Variants in FAM171A1 observed in about 807,000 individuals in gnomAD.
The protein encoded by FAM171A1 is family with sequence similarity 171 member A1.
Under a neutral mutation model 74.9 loss-of-function variants are expected in FAM171A1, and 23 were observed. That is an observed-to-expected ratio of 0.31 (90% CI 0.22 to 0.44). FAM171A1 has a LOEUF of 0.44. Ranked by LOEUF, FAM171A1 falls within the 20% of genes least tolerant of loss-of-function variation. The probability of loss-of-function intolerance (pLI) is 1.00; values close to 1 mark genes in which losing one functional copy is unlikely to be tolerated. For missense variants in FAM171A1, 1,162 were observed against 1,159.2 expected (o/e 1.00, Z -0.03); for synonymous variants, 527 against 505.7 (o/e 1.04, Z -0.57).
Position 15,371,243 on chromosome 10 carries a change from C to CGCGGCGGCGGCG in FAM171A1, c.-203_-192dup, listed in dbSNP as rs559398047. ...CCCGCGCCGGGTTTCCCCGAAGAGCCGCGGCGGCGGCGGCGGCGGCGGCTG... is the reference window on the plus strand; with the variant it reads ...CCCGCGCCGGGTTTCCCCGAAGAGCCGCGGCGGCGGCGGCGGCGGCGGCGGCGGCGGCGGCTG... On this transcript the variant is annotated 5_prime_UTR_variant, in exon 1 of 8. Coordinates refer to ENST00000378116, the MANE Select transcript of FAM171A1 (RefSeq NM_001010924.2). Among the ~76,000 whole-genome samples the CGCGGCGGCGGCG allele has an allele frequency of 3.5e-5, 5 of 141,668 alleles. No homozygotes were observed. The highest frequency in any genetic ancestry group is 2.1e-4 in the Admixed American group (3 of 14,484). 92.9% of individuals were successfully genotyped at this position (141,668 alleles called of 152,430 possible).
intron 1 of FAM171A1, among the ~76,000 whole-genome samples, chr10:15,304,792 A>C (rs1192331232): frequency 6.6e-6 from 1 of 152,160 alleles, no homozygotes; most frequent in Non-Finnish European, 1.5e-5. Flanking sequence ...GCTAGAGTGC[A>C]CTGGCGCAAT....
chr10:15,253,595 C>A (rs1834537414), intron 4 of FAM171A1, among the ~76,000 whole-genome samples: 1 of 152,114 alleles, frequency 6.6e-6, no homozygotes, highest in African/African-American at 2.4e-5. Context: ...CAAAATGGAT[C>A]AAATGTTTCA....
intron 1 of FAM171A1, 25 bp from the exon 2 acceptor site, chr10:15,284,130 A>G: frequency 6.2e-7 from 1 of 1,602,512 alleles, no homozygotes; most frequent in Non-Finnish European, 8.5e-7. Flanking sequence ...AGCACAAAGA[A>G]CAGCTACTGT....
intron 4 of FAM171A1, among the ~76,000 whole-genome samples, chr10:15,253,203 C>G (rs1834531880): frequency 6.6e-6 from 1 of 152,082 alleles, no homozygotes; most frequent in African/African-American, 2.4e-5. Context: ...AGCATTTCAT[C>G]ATGTTGGCCA....
intron 1 of FAM171A1, among the ~76,000 whole-genome samples, chr10:15,347,523 C>T (rs767322256): frequency 8.5e-5 from 13 of 152,058 alleles, no homozygotes; most frequent in Admixed American, 2.0e-4. Context: ...AACGGAGTCA[C>T]CAAGTATTTA....
intron 1 of FAM171A1, among the ~76,000 whole-genome samples, chr10:15,322,696 G>T (rs1334662435): frequency 6.6e-6 from 1 of 152,198 alleles, no homozygotes. Context: ...CTCCAGAGTG[G>T]GGTCATTTTG....
intron 1 of FAM171A1, among the ~76,000 whole-genome samples, chr10:15,320,961 G>T (rs1349119384): frequency 6.6e-6 from 1 of 152,194 alleles, no homozygotes; most frequent in Non-Finnish European, 1.5e-5. Context: ...TAACTGAAGA[G>T]AGTTTAATGG....
At chr10:15,363,171 T>G (rs1440655969) in intron 1 of FAM171A1, among the ~76,000 whole-genome samples, 2 of 151,932 alleles carry the variant, frequency 1.3e-5, no homozygotes, top group African/African-American at 4.8e-5. Flanking sequence ...CAGGAGACAG[T>G]GGGAAAGGCA....
chr10:15,366,776 A>G (rs1169521173), intron 1 of FAM171A1, among the ~76,000 whole-genome samples: 1 of 152,228 alleles, frequency 6.6e-6, no homozygotes, highest in Non-Finnish European at 1.5e-5. Context: ...CTTGGTAAGC[A>G]GTGTTTACTA....
intron 1 of FAM171A1, among the ~76,000 whole-genome samples, chr10:15,312,673 GTTTTT>G (rs1169098742): frequency 0.045 from 1,641 of 36,356 alleles, 218 homozygotes; most frequent in Admixed American, 0.091. Flanking sequence ...AGCACTGTGT[GTTTTT>G]TTTTTTTTTT....
At chr10:15,257,536 C>T (rs1834596358) in intron 3 of FAM171A1, among the ~76,000 whole-genome samples, 2 of 152,152 alleles carry the variant, frequency 1.3e-5, no homozygotes, top group South Asian at 2.1e-4. Context: ...TCTCTCCCCA[C>T]TTGTGCAGGA....
At chr10:15,327,059 T>C (rs1303231076) in intron 1 of FAM171A1, among the ~76,000 whole-genome samples, 1 of 152,202 alleles carries the variant, frequency 6.6e-6, no homozygotes, top group African/African-American at 2.4e-5. Flanking sequence ...CAAAAATTAA[T>C]GTGAGCTGTA....
At chr10:15,299,576 T>C (rs10796274) in intron 1 of FAM171A1, among the ~76,000 whole-genome samples, 51,062 of 151,762 alleles carry the variant, frequency 0.34, 10,058 homozygotes, top group East Asian at 0.78. Context: ...AAGATGACGA[T>C]GATGATGATG....
At chr10:15,319,394 G>T (rs188013768) in intron 1 of FAM171A1, among the ~76,000 whole-genome samples, 1 of 152,242 alleles carries the variant, frequency 6.6e-6, no homozygotes, top group African/African-American at 2.4e-5. Context: ...GATGGGATGG[G>T]GGTGAGGGAT....
chr10:15,275,984 T>C lies in FAM171A1; in HGVS notation c.326-37A>G, dbSNP rs199920782. 39 of 1,488,214 alleles carry C rather than the reference T, an allele frequency of 2.6e-5. No homozygotes were observed. In the Admixed American group the frequency reaches 6.6e-4, roughly 25 times the overall value. The allele number at this position is 1,488,214 out of a possible 1,614,324, so 92.2% of individuals were successfully genotyped here. A position where few individuals can be genotyped will look rare whatever the true frequency, so the allele number is the denominator to read the frequency against. On this transcript the variant is annotated intron_variant, in intron 2 of 7. Transcript: ENST00000378116. ...AGAAATGGATAGAAGGGGATTTTAA[T>C]AGTCATATTTAAGTGCCTACTCTAA...
At chr10:15,273,764 AC>A (rs1834858099) in intron 3 of FAM171A1, among the ~76,000 whole-genome samples, 3 of 152,240 alleles carry the variant, frequency 2.0e-5, no homozygotes, top group Non-Finnish European at 4.4e-5. Flanking sequence ...CATCACATAA[AC>A]AGAACCAAAG....
At chr10:15,325,293 C>T (rs1486439180) in intron 1 of FAM171A1, among the ~76,000 whole-genome samples, 5 of 152,108 alleles carry the variant, frequency 3.3e-5, no homozygotes, top group African/African-American at 9.7e-5. Flanking sequence ...CCCAGGAGTT[C>T]GAGACCAAGC....
At chr10:15,321,939 A>G (rs1306190732) in intron 1 of FAM171A1, among the ~76,000 whole-genome samples, 8 of 152,220 alleles carry the variant, frequency 5.3e-5, no homozygotes, top group African/African-American at 1.4e-4. Context: ...TGAGAAACAA[A>G]TAGTAGATAC....
intron 4 of FAM171A1, among the ~76,000 whole-genome samples, chr10:15,252,445 C>T (rs1281110244): frequency 5.9e-5 from 9 of 152,146 alleles, no homozygotes; most frequent in Non-Finnish European, 5.9e-5. Flanking sequence ...TCCAAAGACA[C>T]GTCTGGTCCA....
Sources: gnomAD v4.1 joint callset for allele counts (sites outside exome capture counted in the v4.1 genomes callset) on GRCh38, gnomAD v4.1.1 for gene constraint, MANE v1.5 for transcripts, NCBI Gene and HGNC (gene_info 2026-07-23, HGNC 2026-07-21) for gene names.